The following ADGRG6 variants were observed in gnomAD, a reference collection of about 807,000 sequenced individuals.
The protein encoded by ADGRG6 is adhesion G protein-coupled receptor G6, also known as G-protein coupled receptor 126.
ADGRG6 carries 84 observed loss-of-function variants against 142.4 expected under a neutral mutation model. That is an observed-to-expected ratio of 0.59 (90% confidence interval 0.49 to 0.71). The LOEUF (loss-of-function observed/expected upper bound fraction) is 0.71, where lower values mean the gene tolerates loss of function less well. Among genes scored for constraint, ADGRG6 ranks in the 30% least tolerant of loss-of-function variants. ADGRG6 has a pLI of 0.00. For synonymous variants in ADGRG6, 521 were observed against 520.5 expected (o/e 1.00, Z -0.01); for missense variants, 1,367 against 1,466.6 (o/e 0.93, Z 1.11).
chr6:142,406,202 T>TTC (rs1775799377), intron 15 of ADGRG6, among the ~76,000 whole-genome samples: 1 of 151,754 alleles, frequency 6.6e-6, no homozygotes, highest in Admixed American at 6.6e-5. Flanking sequence ...TTTTTTTTTT[T>TTC]CTTTAATTTA....
intron 2 of ADGRG6, among the ~76,000 whole-genome samples, chr6:142,319,753 C>T (rs1166402031): frequency 6.6e-6 from 1 of 152,060 alleles, no homozygotes; most frequent in Non-Finnish European, 1.5e-5. Flanking sequence ...CATCTTTATT[C>T]TCTGTCCACT....
chr6:142,317,793 A>G (rs1224715161), intron 2 of ADGRG6, among the ~76,000 whole-genome samples: 38 of 92,704 alleles, frequency 4.1e-4, no homozygotes, highest in African/African-American at 1.6e-3. Context: ...TATATATAAT[A>G]TATATATTAT....
chr6:142,352,063 T>A (rs903204656), intron 2 of ADGRG6, among the ~76,000 whole-genome samples: 1 of 152,168 alleles, frequency 6.6e-6, no homozygotes, highest in African/African-American at 2.4e-5. Context: ...GGAGATTTTT[T>A]TAGCGAACTT....
At chr6:142,400,886 A>ACCTAG (rs1294458442) in intron 11 of ADGRG6, 8 of 244,094 alleles carry the variant, frequency 3.3e-5, no homozygotes, top group African/African-American at 1.8e-4. Context: ...ATGTGGATGA[A>ACCTAG]CCTAGCCTAC....
In ADGRG6 at chr6:142,370,625, G is replaced by C. The variant is rs202077095; in HGVS notation, c.901G>C (p.Val301Leu). The change falls in exon 4 of 25, where the codon GTC (valine) becomes CTC (leucine). Residue 301 changes from valine to leucine, a missense_variant. Transcript: ENST00000367609. The part of the protein sequence containing the change: ...LLLGSNQNEI[V>L]SLKGDIYNFR... The stretch of plus-strand genomic sequence containing the variant: ...GTTGGGCTCCAATCAAAATGAAATT[G>C]TCTCTCTAAAAGGGGACATTTATAA... The C allele has an allele frequency of 1.9e-6, 3 of 1,613,458 alleles. No homozygotes were observed. Among genetic ancestry groups the C allele is most frequent in the Admixed American group, 3.3e-5 (2 of 60,002 alleles).
At chr6:142,355,153 T>A (rs1218018932) in intron 2 of ADGRG6, among the ~76,000 whole-genome samples, 3 of 152,328 alleles carry the variant, frequency 2.0e-5, no homozygotes, top group Non-Finnish European at 4.4e-5. Context: ...AGGAGCAATA[T>A]ATTTGTATCT....
chr6:142,436,514 GA>G (rs1777494473), intron 22 of ADGRG6, among the ~76,000 whole-genome samples: 1 of 152,046 alleles, frequency 6.6e-6, no homozygotes, highest in Non-Finnish European at 1.5e-5. Flanking sequence ...TAAGGTGTGA[GA>G]AAAAGGGGAG....
intron 6 of ADGRG6, 102 bp from the exon 7 acceptor site, chr6:142,390,156 A>T (rs1774813829): frequency 2.2e-6 from 1 of 456,554 alleles, no homozygotes; most frequent in East Asian, 3.9e-5. Flanking sequence ...GAATAAAACT[A>T]TATGATTATG....
chr6:142,377,998 T>C (rs112736905), intron 4 of ADGRG6, among the ~76,000 whole-genome samples: 10 of 152,316 alleles, frequency 6.6e-5, no homozygotes, highest in African/African-American at 2.4e-4. Flanking sequence ...TAAAGCAATG[T>C]CAATTTGCTA....
chr6:142,441,916 C>T (rs1434524549), intron 24 of ADGRG6, among the ~76,000 whole-genome samples: 2 of 152,140 alleles, frequency 1.3e-5, no homozygotes, highest in Non-Finnish European at 2.9e-5. Flanking sequence ...TCAGTTTGCT[C>T]GTTCTCTCCA....
intron 2 of ADGRG6, among the ~76,000 whole-genome samples, chr6:142,351,847 C>CA (rs1249615057): frequency 6.6e-6 from 1 of 151,872 alleles, no homozygotes; most frequent in Non-Finnish European, 1.5e-5. Context: ...GATTGGCAAG[C>CA]AAAAAACAAC....
chr6:142,346,691 A>C (rs1779916786), intron 2 of ADGRG6, among the ~76,000 whole-genome samples: 1 of 152,204 alleles, frequency 6.6e-6, no homozygotes, highest in South Asian at 2.1e-4. Flanking sequence ...AATACTATGC[A>C]GTCATAAAAA....
chr6:142,367,192 A>G (rs934924572), intron 2 of ADGRG6, among the ~76,000 whole-genome samples: 1 of 152,118 alleles, frequency 6.6e-6, no homozygotes, highest in Non-Finnish European at 1.5e-5. Context: ...GAGATTCTTA[A>G]CCTGGGTCAG....
At chr6:142,425,186 T>C (rs1435405623) in intron 22 of ADGRG6, among the ~76,000 whole-genome samples, 3 of 152,138 alleles carry the variant, frequency 2.0e-5, no homozygotes, top group Admixed American at 2.0e-4. Context: ...TGGAGTGACA[T>C]GATTGGATGT....
intron 1 of ADGRG6, among the ~76,000 whole-genome samples, chr6:142,308,307 T>C (rs1777601649): frequency 6.6e-6 from 1 of 151,956 alleles, no homozygotes. Context: ...TTTCCCAAGG[T>C]TTGCAGCATA....
chr6:142,334,971 T>A (rs932189300), intron 2 of ADGRG6, among the ~76,000 whole-genome samples: 2 of 152,208 alleles, frequency 1.3e-5, no homozygotes, highest in African/African-American at 4.8e-5. Flanking sequence ...TAAATCTTAA[T>A]AGAATGAATA....
At chr6:142,391,262 T>A (rs1774881958) in intron 7 of ADGRG6, among the ~76,000 whole-genome samples, 1 of 151,798 alleles carries the variant, frequency 6.6e-6, no homozygotes, top group Admixed American at 6.6e-5. Flanking sequence ...CAGCATACTG[T>A]GAGACTTTGT....
At chr6:142,392,126 T>C (rs1268506137) in intron 7 of ADGRG6, among the ~76,000 whole-genome samples, 1 of 151,980 alleles carries the variant, frequency 6.6e-6, no homozygotes, top group African/African-American at 2.4e-5. Flanking sequence ...TTTAACATTT[T>C]TTTTGCCAGG....
At chr6:142,347,884 T>A (rs1162630840) in intron 2 of ADGRG6, among the ~76,000 whole-genome samples, 1 of 152,188 alleles carries the variant, frequency 6.6e-6, no homozygotes, top group Non-Finnish European at 1.5e-5. Flanking sequence ...TAGCTAAATA[T>A]TCTTTTGATT....
Sources: allele counts gnomAD v4.1 joint callset (sites outside exome capture counted in the v4.1 genomes callset), GRCh38; gene constraint gnomAD v4.1.1; transcripts MANE v1.5; gene names NCBI Gene and HGNC (gene_info 2026-07-23, HGNC 2026-07-21).